The following BIN2 variants were observed in gnomAD, a reference collection of about 807,000 sequenced individuals.
BIN2 encodes the protein breast cancer associated protein BRAP1.
Under a neutral mutation model 67.9 loss-of-function variants are expected in BIN2, and 43 were observed. The observed-to-expected ratio is 0.63, with a 90% CI of 0.50 to 0.82. The LOEUF (loss-of-function observed/expected upper bound fraction) is 0.82, where lower values mean the gene tolerates loss of function less well. BIN2 is among the 40% of genes least tolerant of loss of function. The probability of loss-of-function intolerance (pLI) is 0.00; values close to 1 mark genes in which losing one functional copy is unlikely to be tolerated. For synonymous variants in BIN2, 244 were observed against 246.8 expected (o/e 0.99, Z 0.11); for missense variants, 581 against 671.6 (o/e 0.87, Z 1.49).
At position 51,299,622 on chromosome 12, in the gene BIN2, C is replaced by T. The variant is rs1246064780; in HGVS notation, c.501G>A (p.Glu167=). 6.2e-7 allele frequency: 1 copy of T among 1,613,996 alleles called. No homozygotes were observed. The highest frequency in any genetic ancestry group is 1.7e-5 in the Admixed American group (1 of 59,984). ...EAVQNAKKKD[E]AKTAKAEEEF... ...TTTGTTTTACCTTGGCAGTCTTGGC[C>T]TCATCTTTCTTCTTGGCATTCTGCA... is the stretch of plus-strand genomic sequence containing the variant. The change falls in exon 6 of 13, where the codon GAG becomes GAA. Residue 167 remains glutamate (E), a synonymous_variant. Transcript: ENST00000615107.
rs201208876 is a variant in BIN2, at chr12:51,297,167, A to C, written c.603-3T>G. 4.3e-6 allele frequency: 7 copies of C among 1,613,148 alleles called. No homozygotes were observed. The East Asian group carries it at 1.6e-4, about 36-fold the overall frequency. On this transcript the variant is annotated splice_polypyrimidine_tract_variant and splice_region_variant and intron_variant, in intron 7 of 12. Coordinates refer to ENST00000615107, the MANE Select transcript of BIN2 (RefSeq NM_016293.4). ...TGGTCACATAGCAGCCAATACGACT[A>C]TTAGGAAGCAAAACCACAAACACAT...
intron 8 of BIN2, among the ~76,000 whole-genome samples, chr12:51,296,187 T>A (rs927353901): frequency 2.6e-5 from 4 of 152,102 alleles, no homozygotes; most frequent in Non-Finnish European, 5.9e-5. Context: ...TGAAAACTCA[T>A]TTTTAGGCCA....
intron 1 of BIN2, among the ~76,000 whole-genome samples, chr12:51,316,101 T>C (rs1471469613): frequency 6.6e-6 from 1 of 152,174 alleles, no homozygotes. Context: ...GCCCTCACTG[T>C]TTATTACCTG....
chr12:51,324,384 C>T, upstream of BIN2: 4 of 1,319,698 alleles, frequency 3.0e-6, no homozygotes, highest in East Asian at 1.1e-4. Context: ...CCTCACTGAA[C>T]CAGGTCCTCA....
chr12:51,313,551 G>A (rs1946051360), intron 2 of BIN2, among the ~76,000 whole-genome samples: 1 of 151,920 alleles, frequency 6.6e-6, no homozygotes, highest in East Asian at 1.9e-4. Context: ...ATGTTGGCCA[G>A]GATGGTCTCA....
At chr12:51,308,012 AGT>A (rs146234703) in intron 2 of BIN2, among the ~76,000 whole-genome samples, 3 of 151,696 alleles carry the variant, frequency 2.0e-5, no homozygotes, top group African/African-American at 7.2e-5. Context: ...TGTGAGAGTG[AGT>A]GTGTGTGTGT....
intron 7 of BIN2, among the ~76,000 whole-genome samples, chr12:51,298,895 C>T (rs994363582): frequency 2.0e-5 from 3 of 151,672 alleles, no homozygotes; most frequent in South Asian, 2.1e-4. Context: ...ATGGTGAAAC[C>T]CCATCTCTAC....
intron 9 of BIN2, among the ~76,000 whole-genome samples, 184 bp from the exon 10 acceptor site, chr12:51,292,528 G>T (rs1177892548): frequency 6.6e-6 from 1 of 152,122 alleles, no homozygotes; most frequent in Non-Finnish European, 1.5e-5. Flanking sequence ...TCTATATCAT[G>T]AACTCAATTA....
intron 1 of BIN2, among the ~76,000 whole-genome samples, chr12:51,320,640 T>A (rs551931196): frequency 0.11 from 15,943 of 151,144 alleles, 906 homozygotes; most frequent in Non-Finnish European, 0.12. Flanking sequence ...TATTCTTTTT[T>A]TTTTTTTTTT....
chr12:51,302,832 T>C (rs890702026), intron 3 of BIN2, 52 bp from the exon 4 acceptor site: 4 of 1,434,314 alleles, frequency 2.8e-6, no homozygotes, highest in African/African-American at 1.4e-5. Context: ...CAGTAGTTGG[T>C]GTAATCACAT....
intron 11 of BIN2, among the ~76,000 whole-genome samples, chr12:51,285,878 T>C (rs1020099720): frequency 6.6e-6 from 1 of 152,094 alleles, no homozygotes; most frequent in African/African-American, 2.4e-5. Context: ...TCCCAAAGTG[T>C]TGGGATTACA....
intron 10 of BIN2, among the ~76,000 whole-genome samples, chr12:51,288,751 C>CTT (rs11286254): frequency 9.9e-5 from 14 of 141,482 alleles, no homozygotes; most frequent in East Asian, 6.2e-4. Context: ...TATCCTAGAT[C>CTT]TTTTTTTTTT....
chr12:51,305,088 G>C (rs1171483151), intron 2 of BIN2, among the ~76,000 whole-genome samples: 5 of 152,056 alleles, frequency 3.3e-5, no homozygotes, highest in African/African-American at 1.2e-4. Context: ...TGTAATCCCA[G>C]CACTTTGGGA....
chr12:51,284,783 T>C lies in BIN2; in HGVS notation c.1601A>G (p.Gln534Arg). The change falls in exon 12 of 13, where the codon CAA (glutamine) becomes CGA (arginine). Residue 534 changes from glutamine (Q) to arginine (R), a missense_variant. By Grantham distance (43) the Gln-to-Arg change is conservative. Transcript: ENST00000615107. ...TACCATGGAGACTTGAAGCTGGTCT[T>C]GGCCCTACAAAGAGAAGAGTTCTGC... ...KLISANSSEG[Q>R]DQLQVSMVPE... 6.2e-7 allele frequency: 1 copy of C among 1,613,056 alleles called. No individual in the cohort carries two copies. The highest frequency in any genetic ancestry group is 1.1e-5 in the South Asian group (1 of 91,068).
chr12:51,299,541 G>T, intron 6 of BIN2, 66 bp downstream of exon 6: 1 of 1,475,424 alleles, frequency 6.8e-7, no homozygotes, highest in Non-Finnish European at 9.5e-7. Flanking sequence ...CCAGCCACCT[G>T]CTACCACCAT....
At chr12:51,311,279 A>T (rs1219507782) in intron 2 of BIN2, among the ~76,000 whole-genome samples, 1 of 151,954 alleles carries the variant, frequency 6.6e-6, no homozygotes, top group Non-Finnish European at 1.5e-5. Context: ...TCAAACTCCT[A>T]GTCTTAGCAA....
intron 11 of BIN2, among the ~76,000 whole-genome samples, chr12:51,286,379 A>G (rs1945237088): frequency 6.6e-6 from 1 of 152,206 alleles, no homozygotes; most frequent in African/African-American, 2.4e-5. Context: ...GGCTAAGAGT[A>G]AGGAAATATT....
chr12:51,296,952 C>T (rs1379506308), intron 8 of BIN2, 137 bp downstream of exon 8: 8 of 698,182 alleles, frequency 1.1e-5, no homozygotes, highest in South Asian at 7.5e-5. Context: ...CAATCAAGTG[C>T]TCTTATTTCA....
chr12:51,299,097 G>T (rs1592264486), intron 7 of BIN2, 106 bp downstream of exon 7: 1 of 775,158 alleles, frequency 1.3e-6, no homozygotes, highest in Non-Finnish European at 2.1e-6. Flanking sequence ...AAGGGGGCGG[G>T]GCAGTGTGGG....
Sources: gnomAD v4.1 joint callset for allele counts (sites outside exome capture counted in the v4.1 genomes callset) on GRCh38, gnomAD v4.1.1 for gene constraint, MANE v1.5 for transcripts, NCBI Gene and HGNC (gene_info 2026-07-23, HGNC 2026-07-21) for gene names.